The following DIP2C variants were observed in gnomAD, a reference collection of about 807,000 sequenced individuals.
DIP2C encodes the protein disco-interacting protein 2 homolog C.
DIP2C carries 33 observed loss-of-function variants against 192.4 expected under a neutral mutation model. The observed-to-expected ratio is 0.17, with a 90% CI of 0.13 to 0.23. The LOEUF (loss-of-function observed/expected upper bound fraction) is 0.23, where lower values mean the gene tolerates loss of function less well. Ranked by LOEUF, DIP2C falls within the 10% of genes least tolerant of loss-of-function variation. DIP2C has a pLI of 1.00. For missense variants in DIP2C, 1,537 were observed against 2,110.1 expected (o/e 0.73, Z 5.32); for synonymous variants, 979 against 864.1 (o/e 1.13, Z -2.33).
intron 1 of DIP2C, among the ~76,000 whole-genome samples, chr10:578,876 T>C (rs990395880): frequency 2.6e-5 from 4 of 152,128 alleles, no homozygotes; most frequent in Middle Eastern, 3.4e-3. Context: ...AACACACATG[T>C]ACGTGCATAG....
chr10:414,739 G>GTGTATATATATATATATATATATA lies in DIP2C; in HGVS notation c.860-630_860-629insTATATATATATATATATATATACA. ...TGTGTGTGTGTGTGTGTGTGTGTGT[G>GTGTATATATATATATATATATATA]TACATATATATATATATAATGTGTA... On this transcript the variant is annotated intron_variant, in intron 7 of 36. Coordinates refer to ENST00000280886, the MANE Select transcript of DIP2C (RefSeq NM_014974.3). 1.8e-3 allele frequency among the ~76,000 whole-genome samples: 165 copies of GTGTATATATATATATATATATATA among 90,508 alleles called. 4 individuals carry two copies. The highest frequency in any genetic ancestry group is 6.3e-3 in the Middle Eastern group (1 of 158). 59.4% of individuals were successfully genotyped at this position (90,508 alleles called of 152,430 possible). A position where few individuals can be genotyped will look rare whatever the true frequency, so the allele number is the denominator to read the frequency against.
intron 34 of DIP2C, among the ~76,000 whole-genome samples, chr10:284,368 T>C (rs1954989169): frequency 6.6e-6 from 1 of 152,110 alleles, no homozygotes; most frequent in Non-Finnish European, 1.5e-5. Context: ...CGTCCTCTGT[T>C]CCCTAACACA....
intron 1 of DIP2C, among the ~76,000 whole-genome samples, chr10:514,862 T>C (rs986872287): frequency 6.6e-6 from 1 of 152,198 alleles, no homozygotes; most frequent in Admixed American, 6.5e-5. Flanking sequence ...TTATTCCCAC[T>C]GTGGAAGTGA....
chr10:583,360 G>GA (rs1456776282), intron 1 of DIP2C, among the ~76,000 whole-genome samples: 5 of 152,200 alleles, frequency 3.3e-5, no homozygotes, highest in Non-Finnish European at 7.3e-5. Flanking sequence ...TATATGGAAT[G>GA]AATTATCCCA....
intron 4 of DIP2C, among the ~76,000 whole-genome samples, chr10:435,674 G>C (rs889926514): frequency 6.6e-6 from 1 of 152,164 alleles, no homozygotes. Flanking sequence ...TTTTCAGTTT[G>C]CTCAGCTTTT....
At chr10:541,656 C>T (rs896813296) in intron 1 of DIP2C, among the ~76,000 whole-genome samples, 1 of 150,968 alleles carries the variant, frequency 6.6e-6, no homozygotes, top group Non-Finnish European at 1.5e-5. Context: ...TCCACCCGAC[C>T]ACACCCGTCT....
chr10:554,896 C>T (rs1039391046), intron 1 of DIP2C, among the ~76,000 whole-genome samples: 3 of 152,180 alleles, frequency 2.0e-5, no homozygotes, highest in African/African-American at 7.2e-5. Context: ...TAGACAGACA[C>T]TTGGAGGCCA....
intron 1 of DIP2C, among the ~76,000 whole-genome samples, chr10:603,821 C>CA (rs1191893570): frequency 1.3e-5 from 2 of 152,212 alleles, no homozygotes; most frequent in Non-Finnish European, 2.9e-5. Context: ...GTCAAGGGGT[C>CA]AGTAGGCTGC....
intron 1 of DIP2C, among the ~76,000 whole-genome samples, chr10:580,122 A>G (rs891509088): frequency 1.9e-4 from 29 of 152,176 alleles, no homozygotes; most frequent in Non-Finnish European, 1.5e-5. Context: ...TATAACATCT[A>G]TATACATGCA....
At chr10:486,692 T>C (rs931722713) in intron 1 of DIP2C, 162 bp from the exon 2 acceptor site, 1 of 504,398 alleles carries the variant, frequency 2.0e-6, no homozygotes. Context: ...GTTCCTCCCC[T>C]GCTCTCGAAC....
chr10:289,188 C>T (rs1410360655), intron 32 of DIP2C, among the ~76,000 whole-genome samples: 3 of 151,854 alleles, frequency 2.0e-5, no homozygotes, highest in African/African-American at 7.3e-5. Context: ...AATCACAGGA[C>T]GACATGCCTC....
At chr10:320,045 G>T (rs150663533) in intron 31 of DIP2C, among the ~76,000 whole-genome samples, 1 of 152,316 alleles carries the variant, frequency 6.6e-6, no homozygotes, top group African/African-American at 2.4e-5. Flanking sequence ...TTAGAAGGTT[G>T]AAGAATAGTA....
intron 1 of DIP2C, among the ~76,000 whole-genome samples, chr10:572,104 G>A (rs531576405): frequency 5.3e-5 from 8 of 152,314 alleles, no homozygotes; most frequent in African/African-American, 1.7e-4. Context: ...GACAGCCTTC[G>A]ATCACGGTTA....
chr10:337,828 G>GTGTGTGTCGTGGAGGCCTACGCAGC (rs1957935479), intron 29 of DIP2C, among the ~76,000 whole-genome samples: 3 of 151,168 alleles, frequency 2.0e-5, no homozygotes, highest in Non-Finnish European at 3.0e-5. Flanking sequence ...ACGCAGCTGT[G>GTGTGTGTCGTGGAGGCCTACGCAGC]TGTGTGTGTT....
intron 1 of DIP2C, among the ~76,000 whole-genome samples, chr10:502,030 CAGTT>C (rs1845267972): frequency 1.3e-5 from 2 of 152,276 alleles, no homozygotes; most frequent in Middle Eastern, 3.4e-3. Flanking sequence ...CCTGTAGTCT[CAGTT>C]ACTCAGTAGG....
chr10:307,202 A>AAT (rs1417708489), intron 32 of DIP2C, among the ~76,000 whole-genome samples: 2 of 152,132 alleles, frequency 1.3e-5, no homozygotes, highest in African/African-American at 4.8e-5. Flanking sequence ...TTTTCTTTAT[A>AAT]AATCACCAGC....
Position 683,768 on chromosome 10 carries a change from G to A in DIP2C, c.85+5726C>T, listed in dbSNP as rs561393432. ...ACAGCATCAAAACCCAGGTTCCTCA[G>A]TGCGCTCCCTCTGCAGTTCAGGAGA... On this transcript the variant is annotated intron_variant, in intron 1 of 36. Transcript: ENST00000280886. 2.1e-3 allele frequency among the ~76,000 whole-genome samples: 325 copies of A among 152,326 alleles called. 1 individual carries two copies. Among genetic ancestry groups the A allele is most frequent in the Middle Eastern group, 6.8e-3 (2 of 294 alleles).
chr10:357,629 G>A (rs1027612350), intron 23 of DIP2C, among the ~76,000 whole-genome samples, 199 bp downstream of exon 23: 2 of 152,204 alleles, frequency 1.3e-5, no homozygotes, highest in Non-Finnish European at 2.9e-5. Flanking sequence ...CTGCAGTGGT[G>A]GTCCACCACC....
At chr10:481,842 C>T in intron 2 of DIP2C, among the ~76,000 whole-genome samples, 1 of 152,198 alleles carries the variant, frequency 6.6e-6, no homozygotes, top group Non-Finnish European at 1.5e-5. Flanking sequence ...CCCGGCCCAC[C>T]CCCACAGGCA....
Sources: gnomAD v4.1 joint callset for allele counts (sites outside exome capture counted in the v4.1 genomes callset) on GRCh38, gnomAD v4.1.1 for gene constraint, MANE v1.5 for transcripts, NCBI Gene and HGNC (gene_info 2026-07-23, HGNC 2026-07-21) for gene names.